FANCD2: variants seen among roughly 807,000 people sequenced by gnomAD.
FANCD2 encodes the protein FA complementation group D2.
A neutral mutation model predicts 192.3 loss-of-function variants in FANCD2; 131 were observed. The ratio of observed to expected loss-of-function variants is 0.68; its 90% CI spans 0.59 to 0.79. The LOEUF is 0.79. FANCD2 is among the 30% of genes least tolerant of loss of function. The pLI is 0.00. For synonymous variants in FANCD2, 524 were observed against 612.5 expected (o/e 0.86, Z 2.13); for missense variants, 1,508 against 1,701.6 (o/e 0.89, Z 2.00).
intron 12 of FANCD2, 122 bp downstream of exon 12, chr3:10,043,272 T>C: frequency 5.9e-6 from 5 of 847,592 alleles, no homozygotes; most frequent in Non-Finnish European, 9.8e-6. Flanking sequence ...ATTATATTGT[T>C]TTTCAAATTA....
Position 10,035,192 on chromosome 3 carries a change from A to T in FANCD2, c.397A>T (p.Lys133Ter), listed in dbSNP as rs1333682515. 6.2e-7 allele frequency: 1 copy of T among 1,613,530 alleles called. No homozygotes were observed. Among genetic ancestry groups the T allele is most frequent in the Non-Finnish European group, 8.5e-7 (1 of 1,179,708 alleles). ...EEASMGASYS[K>*]SLIKLLLGID... ...TTACAGTATGGGTGCATCTTATTCTAAGAGTCTCATCAAACTGCTTCTGGG... is the reference window on the plus strand; with the variant it reads ...TTACAGTATGGGTGCATCTTATTCTTAGAGTCTCATCAAACTGCTTCTGGG... Residue 133 changes from lysine to a stop codon, truncating the protein, a stop_gained, in exon 6 of 44, where the codon AAG (lysine) becomes TAG (stop). Coordinates refer to ENST00000675286, the MANE Select transcript of FANCD2 (RefSeq NM_001018115.3). LOFTEE classifies it high-confidence loss of function.
intron 18 of FANCD2, among the ~76,000 whole-genome samples, chr3:10,059,429 G>A (rs574939527): frequency 4.9e-4 from 75 of 152,226 alleles, no homozygotes; most frequent in Non-Finnish European, 9.9e-4. Context: ...AACAATAAAA[G>A]ATATTATTAT....
chr3:10,059,093 G>A (rs549812079), intron 18 of FANCD2, among the ~76,000 whole-genome samples: 28 of 152,186 alleles, frequency 1.8e-4, no homozygotes, highest in Admixed American at 8.5e-4. Flanking sequence ...GGCTCACTGT[G>A]TTCTTGACTT....
intron 6 of FANCD2, among the ~76,000 whole-genome samples, chr3:10,036,086 C>CTGTTTTTTTTTTTTTTTTTTTTTTTTTTT (rs2086721690): frequency 9.7e-6 from 1 of 102,602 alleles, no homozygotes; most frequent in Non-Finnish European, 2.0e-5. Context: ...TTATACATTT[C>CTGTTTTTTTTTTTTTTTTTTTTTTTTTTT]TTTTTTTTTT....
At chr3:10,084,201 C>T (rs1290080473) in intron 32 of FANCD2, among the ~76,000 whole-genome samples, 2 of 151,808 alleles carry the variant, frequency 1.3e-5, no homozygotes, top group Non-Finnish European at 2.9e-5. Flanking sequence ...ACCATCTTGG[C>T]CAGGCTGGTC....
At position 10,088,874 on chromosome 3, in the gene FANCD2, A is replaced by T. The variant is rs373757862; in HGVS notation, c.3607A>T (p.Ile1203Phe). 6 of 1,613,938 alleles carry T rather than the reference A, an allele frequency of 3.7e-6. No homozygotes were observed. Among genetic ancestry groups the T allele is most frequent in the Non-Finnish European group, 5.1e-6 (6 of 1,179,948 alleles). The change falls in exon 36 of 44, where the codon ATT (isoleucine) becomes TTT (phenylalanine). Residue 1203 changes from isoleucine to phenylalanine, a missense_variant. By Grantham distance (21) the Ile-to-Phe change is conservative. Transcript: ENST00000675286. ...GAGCATTCTGAAGGCCATAGAGGAG[A>T]TTGCTGGTGTTGGTGTCCCAGAACT... ...TESILKAIEE[I>F]AGVGVPELIN...
At chr3:10,088,607 C>G in intron 35 of FANCD2, 65 bp downstream of exon 35, 2 of 1,235,872 alleles carry the variant, frequency 1.6e-6, no homozygotes, top group Middle Eastern at 1.9e-4. Flanking sequence ...TGTTGTTTGT[C>G]AGAGACTGGA....
At chr3:10,055,540 C>T (rs561073008) in intron 18 of FANCD2, among the ~76,000 whole-genome samples, 28 of 152,114 alleles carry the variant, frequency 1.8e-4, no homozygotes, top group African/African-American at 6.5e-4. Context: ...TGGCCGGGCA[C>T]GGTGACTCAC....
intron 26 of FANCD2, among the ~76,000 whole-genome samples, chr3:10,068,303 A>G (rs1422180110): frequency 3.3e-5 from 5 of 152,226 alleles, no homozygotes; most frequent in African/African-American, 1.2e-4. Context: ...ATACAAAATC[A>G]TCATATAAAA....
intron 26 of FANCD2, among the ~76,000 whole-genome samples, chr3:10,068,522 T>C (rs1169672666): frequency 1.3e-5 from 2 of 152,058 alleles, no homozygotes; most frequent in African/African-American, 4.8e-5. Flanking sequence ...AGATACTTCA[T>C]GTTCATGGAT....
intron 2 of FANCD2, chr3:10,032,392 C>T (rs771269835): frequency 1.4e-4 from 43 of 315,250 alleles, no homozygotes; most frequent in East Asian, 1.0e-4. Flanking sequence ...GTTATTCTTC[C>T]GCCTTAGCCT....
At chr3:10,067,784 C>T (rs757848745) in intron 26 of FANCD2, among the ~76,000 whole-genome samples, 10 of 152,020 alleles carry the variant, frequency 6.6e-5, no homozygotes, top group Non-Finnish European at 1.5e-4. Flanking sequence ...GGTGACAGAG[C>T]GAGACTCCCA....
chr3:10,082,158 G>T (rs959907638), intron 32 of FANCD2, among the ~76,000 whole-genome samples: 2 of 152,192 alleles, frequency 1.3e-5, no homozygotes, highest in African/African-American at 4.8e-5. Context: ...GCTTTGCCTG[G>T]CTTAGTAAAT....
Position 10,036,316 on chromosome 3 carries a change from G to T in FANCD2, c.468G>T (p.Lys156Asn). ...QPAIIKTLFEKLPEYFFENKN... is the reference protein window; with the variant it reads ...QPAIIKTLFENLPEYFFENKN... ...CCATTATCAAAACCTTATTTGAGAA[G>T]TTGCCAGAATATTTTTTTGAAAAGT... Residue 156 changes from lysine to asparagine, a missense_variant, in exon 7 of 44, where the codon AAG becomes AAT. Physicochemically the swap from Lys to Asn is moderately conservative, Grantham distance 94. Around this residue, in one of 5 missense-constraint regions of FANCD2, gnomAD observed 435 missense variants for 421.9 expected, o/e 1.03. Coordinates refer to ENST00000675286, the MANE Select transcript of FANCD2 (RefSeq NM_001018115.3). The T allele has an allele frequency of 6.2e-7, 1 of 1,613,062 alleles. No individual in the cohort carries two copies. Among genetic ancestry groups the T allele is most frequent in the Non-Finnish European group, 8.5e-7 (1 of 1,179,270 alleles).
At position 10,052,306 on chromosome 3, in the gene FANCD2, T is replaced by C. The variant is rs36042034; in HGVS notation, c.1546-81T>C. 981 of 924,596 alleles carry C rather than the reference T, an allele frequency of 1.1e-3. 11 individuals carry two copies. In the African/African-American group the frequency reaches 0.015, roughly 14 times the overall value. 57.3% of individuals were successfully genotyped at this position (924,596 alleles called of 1,614,324 possible). A position where few individuals can be genotyped will look rare whatever the true frequency, so the allele number is the denominator to read the frequency against. ...TACCTGGCTATCTATGTGTGTCTCT[T>C]TTACAGGGATTTTAATTTTTTGAAT... is the stretch of plus-strand genomic sequence containing the variant. On this transcript the variant is annotated intron_variant, in intron 17 of 43. Transcript: ENST00000675286.
At chr3:10,071,410 A>G (rs981843633) in intron 26 of FANCD2, among the ~76,000 whole-genome samples, 6 of 152,212 alleles carry the variant, frequency 3.9e-5, no homozygotes, top group African/African-American at 1.4e-4. Context: ...TTGCAGCACT[A>G]TTCACAATAG....
At position 10,088,916 on chromosome 3, in the gene FANCD2, G is replaced by C. The variant is rs1694407565; in HGVS notation, c.3649G>C (p.Asp1217His). Reference sequence around the variant, plus strand: ...CCCAGAACTGATCAACTCTCCTAAAGATGCATCTTCCTCCACATTCCCTAC... The same window carrying C: ...CCCAGAACTGATCAACTCTCCTAAACATGCATCTTCCTCCACATTCCCTAC... Reference protein sequence around the residue: ...GVPELINSPKDASSSTFPTLT... With the variant: ...GVPELINSPKHASSSTFPTLT... Residue 1217 changes from aspartate to histidine, a missense_variant, in exon 36 of 44, where the codon GAT (aspartate) becomes CAT (histidine). Coordinates refer to ENST00000675286, the MANE Select transcript of FANCD2 (RefSeq NM_001018115.3). The C allele has an allele frequency of 6.2e-7, 1 of 1,613,806 alleles. No individual in the cohort carries two copies.
At chr3:10,091,001 G>C (rs1160663450) in intron 37 of FANCD2, among the ~76,000 whole-genome samples, 1 of 151,982 alleles carries the variant, frequency 6.6e-6, no homozygotes, top group Non-Finnish European at 1.5e-5. Context: ...TTGGCAGCCT[G>C]CTAACCAGAA....
rs1339452181 is a variant in FANCD2 at position 10,052,415 on chromosome 3, C to T, written c.1574C>T (p.Ser525Phe). ...ATTTTAGATTATCTGGATAACATAT[C>T]CCCTCAGCAAATACGAAAACTCTTC... ...KGILDYLDNI[S>F]PQQIRKLFYV... Residue 525 changes from serine to phenylalanine, a missense_variant, in exon 18 of 44, where the codon TCC (serine) becomes TTC (phenylalanine). This residue lies in a region of FANCD2 where 110 missense variants were observed against 114.4 expected (regional missense o/e 0.96). Coordinates refer to ENST00000675286, the MANE Select transcript of FANCD2 (RefSeq NM_001018115.3). 6.2e-7 allele frequency: 1 copy of T among 1,612,526 alleles called. No individual in the cohort carries two copies. Among genetic ancestry groups the T allele is most frequent in the Non-Finnish European group, 8.5e-7 (1 of 1,178,792 alleles).
Sources: gnomAD v4.1 joint callset for allele counts (sites outside exome capture counted in the v4.1 genomes callset) on GRCh38, gnomAD v4.1.1 for gene constraint, gnomAD v4.1.1 regional missense constraint, MANE v1.5 for transcripts, NCBI Gene and HGNC (gene_info 2026-07-23, HGNC 2026-07-21) for gene names.